Variants in PRH1 observed in about 807,000 individuals in gnomAD.
PRH1 encodes salivary acidic proline-rich phosphoprotein 1/2.
A neutral mutation model predicts 7.9 loss-of-function variants in PRH1; 7 were observed. That is an observed-to-expected ratio of 0.89 (90% CI 0.50 to 1.67). The LOEUF is 1.67. Among genes scored for constraint, PRH1 ranks in the 40% most tolerant of loss-of-function variants. The probability of loss-of-function intolerance (pLI) is 0.00; values close to 1 mark genes in which losing one functional copy is unlikely to be tolerated. For synonymous variants in PRH1, 45 were observed against 80.8 expected, an observed-to-expected ratio of 0.56 and a Z score of 2.38; for missense variants, 109 against 223.6, an observed-to-expected ratio of 0.49 and a Z score of 3.27.
chr12:10,898,212 A>G (rs1357849819), intron 2 of PRH1, among the ~76,000 whole-genome samples: 1 of 152,180 alleles, frequency 6.6e-6, no homozygotes, highest in African/African-American at 2.4e-5. Flanking sequence ...GTGTAATGCA[A>G]CTGCTGCATT....
intron 2 of PRH1, among the ~76,000 whole-genome samples, chr12:10,942,280 T>C (rs531864042): frequency 5.9e-5 from 9 of 152,194 alleles, no homozygotes; most frequent in South Asian, 2.1e-4. Flanking sequence ...TCACTAGAAC[T>C]CTCAAGAGTT....
rs1392043728 is a variant in PRH1, at chr12:11,000,659, C to T, written c.-125-26938G>A. On this transcript the variant is annotated intron_variant, in intron 1 of 3. Coordinates refer to the PRH1 transcript ENST00000539853. ...CAACATTGATTCTGCCCTATTTTAT[C>T]CCTTTTAATCTTCCAGAAATCCAGA... Among the ~76,000 whole-genome samples the T allele has an allele frequency of 7.2e-5, 11 of 152,120 alleles. No homozygotes were observed. In the South Asian group the frequency reaches 2.1e-3, roughly 29 times the overall value.
chr12:10,884,016 T>A, intron 1 of PRH1, 138 bp downstream of exon 1: 1 of 984,380 alleles, frequency 1.0e-6, no homozygotes, highest in Non-Finnish European at 1.5e-6. Flanking sequence ...GTACAATAGA[T>A]CTTCTGATCC....
At chr12:10,891,616 T>G (rs1275267932) in intron 2 of PRH1, 3 of 151,854 alleles carry the variant, frequency 2.0e-5, no homozygotes, top group African/African-American at 7.2e-5. Context: ...CCATCCTCGT[T>G]GCCAAAATTA....
Position 11,036,502 on chromosome 12 carries a change from A to T in PRH1, c.-126+10518T>A, listed in dbSNP as rs143558314. Among the ~76,000 whole-genome samples the T allele has an allele frequency of 4.9e-3, 744 of 152,354 alleles. 5 individuals are homozygous for T. The highest frequency in any genetic ancestry group is 7.7e-3 in the Non-Finnish European group (521 of 68,036). ...TTTGGTCCTAAAATCCGCTCTTTAG[A>T]AATAAAAGCGTGCTCAAAAAATGTG... On this transcript the variant is annotated intron_variant, in intron 1 of 3. Transcript: ENST00000539853.
At chr12:11,021,654 G>C (rs1941634877) in intron 1 of PRH1, 19 of 1,597,302 alleles carry the variant, frequency 1.2e-5, no homozygotes, top group Admixed American at 1.7e-5. Context: ...ATGGAGTTGA[G>C]GGTTTCTCTT....
chr12:11,054,940 G>A (rs934698487), intron 1 of PRH1, among the ~76,000 whole-genome samples: 13 of 148,650 alleles, frequency 8.7e-5, no homozygotes, highest in South Asian at 4.3e-4. Flanking sequence ...TGCAAGCTCC[G>A]CCTCACTGCA....
chr12:10,956,489 C>A (rs562358420), intron 2 of PRH1, among the ~76,000 whole-genome samples: 3 of 152,110 alleles, frequency 2.0e-5, no homozygotes, highest in Admixed American at 6.5e-5. Flanking sequence ...AAACTGGAAG[C>A]ATTACCCCTT....
chr12:10,901,524 A>G (rs760660877), intron 2 of PRH1, among the ~76,000 whole-genome samples: 33 of 152,072 alleles, frequency 2.2e-4, no homozygotes, highest in Non-Finnish European at 3.4e-4. Context: ...CTTGCTCCCC[A>G]CAACCCCCAA....
intron 1 of PRH1, among the ~76,000 whole-genome samples, chr12:10,976,879 C>G (rs1443981116): frequency 6.6e-6 from 1 of 151,848 alleles, no homozygotes; most frequent in Admixed American, 6.6e-5. Context: ...AAATTGCATC[C>G]CTAAATAAAC....
chr12:11,056,448 G>A (rs1477875557), intron 1 of PRH1, among the ~76,000 whole-genome samples: 2 of 152,076 alleles, frequency 1.3e-5, no homozygotes, highest in African/African-American at 4.8e-5. Flanking sequence ...AGACTGCCAG[G>A]ACAGGAAACC....
chr12:10,963,326 A>G (rs1365351132), intron 2 of PRH1, among the ~76,000 whole-genome samples: 3 of 152,226 alleles, frequency 2.0e-5, no homozygotes, highest in Admixed American at 2.0e-4. Context: ...ATAATAAAAC[A>G]TATATTTAAG....
rs1447730698 is a variant in PRH1 at position 11,097,473 on chromosome 12, C to T, written n.124-50285G>A. Reference sequence around the variant, plus strand: ...TTCTTATTAAGGAATTTTATTTACACGAAAATTAAATTGTTTCTATCATGA... The same window carrying T: ...TTCTTATTAAGGAATTTTATTTACATGAAAATTAAATTGTTTCTATCATGA... On this transcript the variant is annotated intron_variant and non_coding_transcript_variant, in intron 1 of 4. Coordinates refer to the PRH1 transcript ENST00000541977. Among the ~76,000 whole-genome samples, 6 of 114,058 alleles carry T rather than the reference C, an allele frequency of 5.3e-5. 2 individuals are homozygous for T. The highest frequency in any genetic ancestry group is 2.7e-4 in the Admixed American group (3 of 11,292). The allele number at this position is 114,058 out of a possible 152,430, so 74.8% of individuals were successfully genotyped here.
chr12:11,058,790 C>T (rs1434969652), intron 1 of PRH1, among the ~76,000 whole-genome samples: 1 of 152,196 alleles, frequency 6.6e-6, no homozygotes, highest in Non-Finnish European at 1.5e-5. Context: ...ACCATTCCCT[C>T]TTCAGCAGAG....
chr12:11,052,945 T>C (rs1943210844), intron 1 of PRH1, among the ~76,000 whole-genome samples: 1 of 152,258 alleles, frequency 6.6e-6, no homozygotes, highest in African/African-American at 2.4e-5. Flanking sequence ...TTTGTTTTAG[T>C]ATGTTAGAAA....
chr12:10,888,999 C>G (rs1456389929), upstream of PRH1, among the ~76,000 whole-genome samples: 1 of 152,198 alleles, frequency 6.6e-6, no homozygotes, highest in African/African-American at 2.4e-5. Context: ...TCCTGTCTCT[C>G]TTCCATCTTC....
chr12:11,062,683 G>A (rs1230100513), intron 1 of PRH1, among the ~76,000 whole-genome samples: 1 of 151,976 alleles, frequency 6.6e-6, no homozygotes, highest in Non-Finnish European at 1.5e-5. Context: ...TCCATCATTT[G>A]TCTTTAGTGA....
rs563252277 is a variant in PRH1, at chr12:11,094,720, A to G, written n.124-47532T>C. Among the ~76,000 whole-genome samples the G allele has an allele frequency of 1.7e-5, 2 of 115,794 alleles. 1 individual carries two copies. Among genetic ancestry groups the G allele is most frequent in the African/African-American group, 5.8e-5 (2 of 34,564 alleles). The allele number at this position is 115,794 out of a possible 152,430, so 76.0% of individuals were successfully genotyped here. A position where few individuals can be genotyped will look rare whatever the true frequency, so the allele number is the denominator to read the frequency against. ...TAATAATAATTTCTATATTTCTCCT[A>G]ATTACAAATTTGTATATTAAAGTTA... On this transcript the variant is annotated intron_variant and non_coding_transcript_variant, in intron 1 of 4. Coordinates refer to the PRH1 transcript ENST00000541977.
intron 2 of PRH1, chr12:10,929,469 C>T (rs551937237): frequency 4.6e-6 from 5 of 1,096,068 alleles, no homozygotes; most frequent in South Asian, 1.5e-5. Context: ...TGCCAAGGAT[C>T]AGAAGACCTG....
Sources: allele counts gnomAD v4.1 joint callset (sites outside exome capture counted in the v4.1 genomes callset), GRCh38; gene constraint gnomAD v4.1.1; transcripts MANE v1.5; gene names NCBI Gene and HGNC (gene_info 2026-07-23, HGNC 2026-07-21).